NREP: variants seen among roughly 807,000 people sequenced by gnomAD.
The protein encoded by NREP is neuronal regeneration related protein.
A neutral mutation model predicts 8.6 loss-of-function variants in NREP; 5 were observed. The observed-to-expected ratio is 0.58, with a 90% CI of 0.30 to 1.22. The LOEUF (loss-of-function observed/expected upper bound fraction) is 1.22. Among genes scored for constraint, NREP ranks in the 50% most tolerant of loss-of-function variants. NREP has a pLI of 0.07. For missense variants in NREP, 86 were observed against 82.5 expected, an observed-to-expected ratio of 1.04 and a Z score of -0.17; for synonymous variants, 27 against 28.0, an observed-to-expected ratio of 0.96 and a Z score of 0.11.
chr5:111,908,045 G>A (rs917123804), intron 2 of NREP, among the ~76,000 whole-genome samples: 2 of 152,064 alleles, frequency 1.3e-5, no homozygotes, highest in African/African-American at 4.8e-5. Context: ...TTTGGAAAAT[G>A]AATGATGACT....
At chr5:111,919,281 T>C (rs1033671055) in intron 2 of NREP, among the ~76,000 whole-genome samples, 2 of 152,128 alleles carry the variant, frequency 1.3e-5, no homozygotes, top group Non-Finnish European at 2.9e-5. Flanking sequence ...GCTGGGAGTG[T>C]AAATTAGTTC....
At chr5:111,896,413 G>A (rs1754512734) in intron 2 of NREP, among the ~76,000 whole-genome samples, 1 of 152,180 alleles carries the variant, frequency 6.6e-6, no homozygotes, top group Admixed American at 6.6e-5. Context: ...ATATGCCTGT[G>A]AAACAACTAA....
chr5:111,766,910 T>C (rs563603355), intron 2 of NREP, among the ~76,000 whole-genome samples: 50 of 152,374 alleles, frequency 3.3e-4, no homozygotes, highest in Middle Eastern at 3.4e-3. Flanking sequence ...CATTGGTTGC[T>C]AAGTTCTGAA....
At chr5:111,899,223 C>G (rs1024711671) in intron 2 of NREP, among the ~76,000 whole-genome samples, 3 of 152,046 alleles carry the variant, frequency 2.0e-5, no homozygotes, top group Non-Finnish European at 2.9e-5. Context: ...AAAATAACCA[C>G]CAACTCATAC....
At position 111,815,934 on chromosome 5, in the gene NREP, A is replaced by T. The variant is rs192084440; in HGVS notation, c.136-80427T>A. ...AGTCACACCGAAGTGAAACTGCTGA[A>T]AATTAAACATAAAGAAAATAATCTA... On this transcript the variant is annotated intron_variant, in intron 2 of 3. Coordinates refer to the NREP transcript ENST00000395634. Among the ~76,000 whole-genome samples the T allele has an allele frequency of 1.2e-4, 18 of 152,288 alleles. No homozygotes were observed. In the East Asian group the frequency reaches 3.5e-3, roughly 29 times the overall value.
chr5:111,923,879 C>A (rs766131847), intron 2 of NREP, among the ~76,000 whole-genome samples: 4 of 152,006 alleles, frequency 2.6e-5, no homozygotes, highest in Non-Finnish European at 5.9e-5. Context: ...ATTCTGGATC[C>A]CAAATCAAGG....
intron 2 of NREP, among the ~76,000 whole-genome samples, chr5:111,794,520 G>A (rs1390968972): frequency 6.6e-6 from 1 of 152,176 alleles, no homozygotes; most frequent in Admixed American, 6.5e-5. Context: ...CTTCAACCAT[G>A]AAAAGACGCG....
At chr5:111,802,995 A>T (rs949694626) in intron 2 of NREP, among the ~76,000 whole-genome samples, 5 of 152,224 alleles carry the variant, frequency 3.3e-5, no homozygotes, top group Non-Finnish European at 7.3e-5. Flanking sequence ...CTAAGGAATG[A>T]TGAAAGAAAA....
At chr5:111,975,278 T>C in exon 2 of NREP, 1 of 1,550,170 alleles carries the variant, frequency 6.5e-7, no homozygotes, top group Non-Finnish European at 8.7e-7. Context: ...TCTTACACAA[T>C]TCAGAACAGA....
chr5:111,976,650 G>T (rs992322561), intron 1 of NREP: 3 of 1,391,422 alleles, frequency 2.2e-6, no homozygotes, highest in African/African-American at 2.9e-5. Context: ...TCCTATAATT[G>T]TTTTCTTCCT....
chr5:111,829,834 C>T (rs766479511), intron 2 of NREP, among the ~76,000 whole-genome samples: 1 of 152,168 alleles, frequency 6.6e-6, no homozygotes, highest in African/African-American at 2.4e-5. Flanking sequence ...AACTCAATGA[C>T]TTCACCCACA....
intron 2 of NREP, among the ~76,000 whole-genome samples, chr5:111,955,529 G>C (rs1030053901): frequency 3.3e-5 from 5 of 150,650 alleles, no homozygotes; most frequent in South Asian, 4.2e-4. Flanking sequence ...TCTAAGACTT[G>C]TGATAAGAAA....
chr5:111,902,925 T>C (rs1754680688), intron 2 of NREP, among the ~76,000 whole-genome samples: 1 of 152,140 alleles, frequency 6.6e-6, no homozygotes, highest in South Asian at 2.1e-4. Flanking sequence ...ACGACTTCTT[T>C]GATATGGTTA....
chr5:111,813,355 T>TC, intron 2 of NREP, among the ~76,000 whole-genome samples: 2 of 152,278 alleles, frequency 1.3e-5, no homozygotes, highest in African/African-American at 4.8e-5. Flanking sequence ...ATAATATTTT[T>TC]CCAAAATGAG....
intron 2 of NREP, among the ~76,000 whole-genome samples, chr5:111,839,928 G>T (rs560025565): frequency 6.6e-6 from 1 of 152,144 alleles, no homozygotes; most frequent in East Asian, 1.9e-4. Context: ...GAGTGTGGCA[G>T]ACACTTGGAA....
chr5:111,841,930 G>T (rs956449225), intron 2 of NREP, among the ~76,000 whole-genome samples: 12 of 152,098 alleles, frequency 7.9e-5, no homozygotes, highest in African/African-American at 2.9e-4. Context: ...AGCCTCTCTG[G>T]TCAGCATTCT....
chr5:111,909,436 A>G (rs961089620), intron 2 of NREP, among the ~76,000 whole-genome samples: 2 of 152,076 alleles, frequency 1.3e-5, no homozygotes, highest in Non-Finnish European at 2.9e-5. Flanking sequence ...TTTTTATATT[A>G]ATGATTATTT....
intron 2 of NREP, among the ~76,000 whole-genome samples, chr5:111,902,082 G>C (rs72782135): frequency 0.05 from 7,579 of 152,086 alleles, 298 homozygotes; most frequent in Non-Finnish European, 0.063. Context: ...AAACAGCATA[G>C]TACTGGCATA....
At chr5:111,975,335 G>T in exon 2 of NREP, 4 of 1,551,648 alleles carry the variant, frequency 2.6e-6, no homozygotes, top group Non-Finnish European at 3.5e-6. Context: ...GACTCTGTCT[G>T]TCATCCTGCT....
Sources: allele counts gnomAD v4.1 joint callset (sites outside exome capture counted in the v4.1 genomes callset), GRCh38; gene constraint gnomAD v4.1.1; transcripts MANE v1.5; gene names NCBI Gene and HGNC (gene_info 2026-07-23, HGNC 2026-07-21).